The following PTPRM variants were observed in gnomAD, a reference collection of about 807,000 sequenced individuals.
PTPRM encodes receptor-type tyrosine-protein phosphatase mu.
In PTPRM, 47 loss-of-function variants were observed where a neutral mutation model predicts 186.7. That is an observed-to-expected ratio of 0.25 (90% CI 0.20 to 0.32). The LOEUF (loss-of-function observed/expected upper bound fraction) is 0.32. Among genes scored for constraint, PTPRM ranks in the 10% least tolerant of loss-of-function variants. PTPRM has a pLI of 1.00. For missense variants in PTPRM, 1,494 were observed against 1,865.0 expected, an observed-to-expected ratio of 0.80 and a Z score of 3.66; for synonymous variants, 668 against 674.9, an observed-to-expected ratio of 0.99 and a Z score of 0.16.
intron 1 of PTPRM, among the ~76,000 whole-genome samples, chr18:7,734,956 A>T (rs2040736884): frequency 6.6e-6 from 1 of 152,182 alleles, no homozygotes; most frequent in Admixed American, 6.5e-5. Context: ...ACCAAAAATA[A>T]AATTCTAAGC....
chr18:8,115,466 A>G (rs1397801340), intron 13 of PTPRM, among the ~76,000 whole-genome samples: 1 of 152,196 alleles, frequency 6.6e-6, no homozygotes, highest in East Asian at 1.9e-4. Flanking sequence ...GTTTGTGAAC[A>G]TGAGCTGTCA....
chr18:8,035,139 A>G (rs146436558), intron 7 of PTPRM, among the ~76,000 whole-genome samples: 98 of 152,320 alleles, frequency 6.4e-4, no homozygotes, highest in Non-Finnish European at 1.0e-3. Flanking sequence ...GAATCTTCCA[A>G]ACTATCAAAT....
At chr18:8,031,164 A>G (rs2085942244) in intron 7 of PTPRM, among the ~76,000 whole-genome samples, 1 of 152,198 alleles carries the variant, frequency 6.6e-6, no homozygotes, top group Non-Finnish European at 1.5e-5. Context: ...GGTAGTAAAC[A>G]CTTTAGTTAG....
chr18:7,912,955 T>C (rs565688583), intron 4 of PTPRM, among the ~76,000 whole-genome samples: 8 of 152,322 alleles, frequency 5.3e-5, no homozygotes, highest in South Asian at 2.1e-4. Context: ...CTTAACATTA[T>C]CAGGCTTTGT....
intron 13 of PTPRM, among the ~76,000 whole-genome samples, chr18:8,122,760 A>G (rs1057265552): frequency 8.5e-5 from 13 of 152,210 alleles, no homozygotes; most frequent in African/African-American, 3.1e-4. Context: ...ATTTAGCTAT[A>G]CACAATCTTG....
rs901210887 is a variant in PTPRM, at chr18:8,107,676, C to G, written c.1857-5810C>G. On this transcript the variant is annotated intron_variant, in intron 11 of 32. Coordinates refer to ENST00000580170, the MANE Select transcript of PTPRM (RefSeq NM_001105244.2). ...ACAAATATTCCACAGCAATTTCTGG[C>G]CAGTCTTGTCTATATCAGAGCAGGA... Among the ~76,000 whole-genome samples, 10 of 152,242 alleles carry G rather than the reference C, an allele frequency of 6.6e-5. 1 individual carries two copies. The South Asian group carries it at 1.7e-3, about 25-fold the overall frequency.
chr18:8,086,890 A>G (rs1198561049), intron 10 of PTPRM, among the ~76,000 whole-genome samples: 1 of 152,160 alleles, frequency 6.6e-6, no homozygotes, highest in Non-Finnish European at 1.5e-5. Flanking sequence ...GAAATTTAAT[A>G]CACTTGATAT....
chr18:8,363,522 G>C (rs1306061238), intron 23 of PTPRM, among the ~76,000 whole-genome samples: 2 of 152,144 alleles, frequency 1.3e-5, no homozygotes, highest in East Asian at 3.8e-4. Flanking sequence ...TTCTAATAAT[G>C]TCATTGCTCA....
chr18:7,731,207 A>G (rs567370168), intron 1 of PTPRM, among the ~76,000 whole-genome samples: 3 of 152,334 alleles, frequency 2.0e-5, no homozygotes, highest in South Asian at 2.1e-4. Flanking sequence ...AACTTGTTCT[A>G]AAACATTCAA....
chr18:7,616,827 C>T (rs2037817235), intron 1 of PTPRM, among the ~76,000 whole-genome samples: 1 of 152,158 alleles, frequency 6.6e-6, no homozygotes, highest in African/African-American at 2.4e-5. Context: ...TGCCTGTTCT[C>T]ACTCGCATGG....
intron 15 of PTPRM, 71 bp downstream of exon 15, chr18:8,244,280 AT>A: frequency 2.9e-6 from 3 of 1,039,644 alleles, no homozygotes; most frequent in Non-Finnish European, 1.3e-6. Context: ...GTACTAGGGG[AT>A]TTCAAAAAAA....
At chr18:8,282,870 A>G (rs185707039) in intron 19 of PTPRM, among the ~76,000 whole-genome samples, 1 of 152,348 alleles carries the variant, frequency 6.6e-6, no homozygotes, top group Admixed American at 6.5e-5. Context: ...AAACTCTAGT[A>G]CATCCATATA....
intron 19 of PTPRM, among the ~76,000 whole-genome samples, chr18:8,280,651 C>T (rs560801696): frequency 1.2e-4 from 19 of 152,276 alleles, no homozygotes; most frequent in African/African-American, 4.6e-4. Context: ...TTGGTCATCC[C>T]AGCCTCGTTG....
chr18:7,679,014 G>A (rs557335476), intron 1 of PTPRM, among the ~76,000 whole-genome samples: 20 of 152,298 alleles, frequency 1.3e-4, no homozygotes, highest in South Asian at 1.0e-3. Context: ...AATGTTAGGC[G>A]TGCCCTTTCC....
chr18:7,609,703 C>T lies in PTPRM; in HGVS notation c.73+41812C>T, dbSNP rs1352638155. The stretch of plus-strand genomic sequence containing the variant: ...GGCAAGACAGTTTCTGATCTACTGC[C>T]ATTGGAGGATCTCCCAAACCCTGTG... On this transcript the variant is annotated intron_variant, in intron 1 of 32. Transcript: ENST00000580170. Among the ~76,000 whole-genome samples the T allele has an allele frequency of 2.0e-5, 3 of 152,054 alleles. No homozygotes were observed. The East Asian group carries it at 5.8e-4, about 29-fold the overall frequency.
intron 7 of PTPRM, among the ~76,000 whole-genome samples, chr18:7,975,356 T>G (rs544908534): frequency 6.6e-6 from 1 of 152,290 alleles, no homozygotes; most frequent in African/African-American, 2.4e-5. Context: ...TTCTAAAACT[T>G]ACAAGCAACC....
chr18:8,279,488 G>T (rs1434574524), intron 19 of PTPRM, among the ~76,000 whole-genome samples: 1 of 152,176 alleles, frequency 6.6e-6, no homozygotes, highest in African/African-American at 2.4e-5. Context: ...AACAGCCGGA[G>T]TAAGCTCCCT....
At chr18:8,267,905 A>G (rs1438450582) in intron 19 of PTPRM, among the ~76,000 whole-genome samples, 2 of 152,192 alleles carry the variant, frequency 1.3e-5, no homozygotes, top group African/African-American at 4.8e-5. Flanking sequence ...TGACCAGGTG[A>G]AAATTTTCTT....
At chr18:8,199,508 T>C (rs1040133799) in intron 14 of PTPRM, among the ~76,000 whole-genome samples, 3 of 152,180 alleles carry the variant, frequency 2.0e-5, no homozygotes, top group Non-Finnish European at 2.9e-5. Context: ...AAAGTAAAGT[T>C]GAGGTCAGTG....
Sources: gnomAD v4.1 joint callset for allele counts (sites outside exome capture counted in the v4.1 genomes callset) on GRCh38, gnomAD v4.1.1 for gene constraint, MANE v1.5 for transcripts, NCBI Gene and HGNC (gene_info 2026-07-23, HGNC 2026-07-21) for gene names.